Variants in PTPRA observed in about 807,000 individuals in gnomAD.
The protein encoded by PTPRA is receptor-type tyrosine-protein phosphatase alpha.
A neutral mutation model predicts 104.8 loss-of-function variants in PTPRA; 25 were observed. The ratio of observed to expected loss-of-function variants is 0.24; its 90% CI spans 0.17 to 0.33. The LOEUF (loss-of-function observed/expected upper bound fraction) is 0.33. PTPRA is among the 10% of genes least tolerant of loss of function. The pLI is 1.00. For synonymous variants in PTPRA, 323 were observed against 368.9 expected, an observed-to-expected ratio of 0.88 and a Z score of 1.43; for missense variants, 765 against 1,015.3, an observed-to-expected ratio of 0.75 and a Z score of 3.35.
chr20:2,882,072 A>C (rs970026536), intron 1 of PTPRA, among the ~76,000 whole-genome samples: 1 of 152,170 alleles, frequency 6.6e-6, no homozygotes, highest in Non-Finnish European at 1.5e-5. Context: ...CAAAAGGCCC[A>C]CTTAAACAAA....
Position 3,003,700 on chromosome 20 carries a change from A to ATT in PTPRA, c.739-1334_739-1333dup, listed in dbSNP as rs59358849. Among the ~76,000 whole-genome samples the ATT allele has an allele frequency of 3.7e-4, 39 of 105,530 alleles. No homozygotes were observed. The South Asian group carries it at 0.011, about 30-fold the overall frequency. The allele number at this position is 105,530 out of a possible 152,430, so 69.2% of individuals were successfully genotyped here. On this transcript the variant is annotated intron_variant, in intron 9 of 23. Coordinates refer to ENST00000399903, the MANE Select transcript of PTPRA (RefSeq NM_001385305.1). ...CAGGCATGCACCACCATACCTGGCT[A>ATT]TTTTTTTTTTTTTTTTTTTTTTTAA...
chr20:2,911,973 G>C (rs2059739312), intron 1 of PTPRA, among the ~76,000 whole-genome samples: 1 of 150,312 alleles, frequency 6.7e-6, no homozygotes, highest in African/African-American at 2.5e-5. Flanking sequence ...CCGGGCATGG[G>C]GACTCAGGCC....
At chr20:2,874,516 G>C (rs1436730631) in intron 1 of PTPRA, among the ~76,000 whole-genome samples, 1 of 152,114 alleles carries the variant, frequency 6.6e-6, no homozygotes. Context: ...CAGGGTGAAC[G>C]CCATCAGAAG....
chr20:3,012,106 TG>T (rs1454863430), intron 11 of PTPRA, among the ~76,000 whole-genome samples: 1 of 151,794 alleles, frequency 6.6e-6, no homozygotes, highest in Non-Finnish European at 1.5e-5. Flanking sequence ...GGAGCAGGAG[TG>T]GGTACTAAGT....
intron 1 of PTPRA, among the ~76,000 whole-genome samples, chr20:2,915,923 G>A (rs901522333): frequency 3.9e-5 from 6 of 152,192 alleles, no homozygotes; most frequent in Admixed American, 6.5e-5. Context: ...GCAGTGAGCC[G>A]AGATTGCATC....
At chr20:2,907,814 T>C (rs949939010) in intron 1 of PTPRA, among the ~76,000 whole-genome samples, 1 of 151,440 alleles carries the variant, frequency 6.6e-6, no homozygotes, top group Admixed American at 6.6e-5. Context: ...TTGCCTTGGT[T>C]TTTTTTTTAA....
chr20:2,945,390 A>G (rs1436833951), intron 2 of PTPRA, among the ~76,000 whole-genome samples: 1 of 152,138 alleles, frequency 6.6e-6, no homozygotes, highest in Non-Finnish European at 1.5e-5. Context: ...GTCTTCAATC[A>G]TTTTAATTCA....
At position 2,878,135 on chromosome 20, in the gene PTPRA, G is replaced by A. The variant is rs1019035145; in HGVS notation, c.-129+4375G>A. ...CACTGTACTCCAGCCTGGCGACAGA[G>A]CGAGACTCCGTCTCAAAAAAAAGAA... On this transcript the variant is annotated intron_variant, in intron 1 of 23. Coordinates refer to ENST00000399903, the MANE Select transcript of PTPRA (RefSeq NM_001385305.1). Among the ~76,000 whole-genome samples, 4 of 151,892 alleles carry A rather than the reference G, an allele frequency of 2.6e-5. No individual in the cohort carries two copies. The East Asian group carries it at 7.7e-4, about 29-fold the overall frequency.
chr20:2,877,280 G>A (rs1211685690), intron 1 of PTPRA, among the ~76,000 whole-genome samples: 1 of 152,128 alleles, frequency 6.6e-6, no homozygotes, highest in East Asian at 1.9e-4. Context: ...TGTTTTTTGA[G>A]ATGGAGTTTT....
intron 2 of PTPRA, among the ~76,000 whole-genome samples, chr20:2,944,321 C>T (rs901223310): frequency 6.6e-6 from 1 of 152,102 alleles, no homozygotes; most frequent in African/African-American, 2.4e-5. Context: ...GGATTACAGG[C>T]GTGAGCCACC....
intron 2 of PTPRA, among the ~76,000 whole-genome samples, chr20:2,938,373 A>T (rs558901441): frequency 2.6e-5 from 4 of 152,166 alleles, no homozygotes; most frequent in African/African-American, 9.6e-5. Flanking sequence ...TTTAGTACAG[A>T]TGGGGTTTCA....
chr20:2,935,547 A>T (rs2147570928), intron 2 of PTPRA, among the ~76,000 whole-genome samples: 1 of 152,340 alleles, frequency 6.6e-6, no homozygotes, highest in Non-Finnish European at 1.5e-5. Flanking sequence ...ATCATATAGT[A>T]GTTCTATTTA....
At chr20:2,969,322 A>G (rs139064222) in intron 5 of PTPRA, among the ~76,000 whole-genome samples, 1 of 151,116 alleles carries the variant, frequency 6.6e-6, no homozygotes, top group African/African-American at 2.4e-5. Context: ...GTCTCGGCAT[A>G]CTGCAAACTC....
intron 2 of PTPRA, among the ~76,000 whole-genome samples, chr20:2,937,815 A>G (rs1052845023): frequency 5.3e-5 from 8 of 152,140 alleles, no homozygotes; most frequent in African/African-American, 1.7e-4. Context: ...TTTCTGAAGG[A>G]TATTTTCACT....
intron 3 of PTPRA, among the ~76,000 whole-genome samples, chr20:2,951,717 A>G (rs2061359952): frequency 1.3e-5 from 2 of 152,116 alleles, no homozygotes; most frequent in South Asian, 2.1e-4. Context: ...TACTGACCCT[A>G]GCTAGTGCTT....
intron 1 of PTPRA, among the ~76,000 whole-genome samples, chr20:2,904,966 A>G (rs952041272): frequency 3.9e-5 from 6 of 152,212 alleles, no homozygotes; most frequent in African/African-American, 1.2e-4. Context: ...CCCAACCTCC[A>G]GGCCACAGAC....
At chr20:2,864,246 T>C in the PTPRA span, 4 of 1,614,184 alleles carry the variant, frequency 2.5e-6, no homozygotes, top group Non-Finnish European at 3.4e-6. The surrounding 1 kb of genome is among the most constrained non-coding windows in gnomAD (Gnocchi z 5.2). Flanking sequence ...AGGAGCAAAC[T>C]GGCACTAAGC....
chr20:2,953,477 T>C (rs943159438), intron 3 of PTPRA, among the ~76,000 whole-genome samples: 1 of 151,850 alleles, frequency 6.6e-6, no homozygotes. Flanking sequence ...ATGGTCTCGA[T>C]CTCCGGACCT....
intron 1 of PTPRA, among the ~76,000 whole-genome samples, chr20:2,880,036 G>A (rs2089961890): frequency 6.6e-6 from 1 of 152,212 alleles, no homozygotes; most frequent in Non-Finnish European, 1.5e-5. Flanking sequence ...GGACAGTGTT[G>A]AGACTAGAGA....
Sources: allele counts gnomAD v4.1 joint callset (sites outside exome capture counted in the v4.1 genomes callset), GRCh38; gene constraint gnomAD v4.1.1; non-coding constraint Gnocchi (gnomAD v3.1); transcripts MANE v1.5; gene names NCBI Gene and HGNC (gene_info 2026-07-23, HGNC 2026-07-21).